Variants in MBNL2 observed in about 807,000 individuals in gnomAD.
MBNL2 encodes muscleblind-like protein 2.
In MBNL2, 17 loss-of-function variants were observed where a neutral mutation model predicts 41.9. That is an observed-to-expected ratio of 0.41 (90% confidence interval 0.28 to 0.61). The LOEUF (loss-of-function observed/expected upper bound fraction) is 0.61. MBNL2 is among the 20% of genes least tolerant of loss of function. MBNL2 has a pLI of 0.35. For synonymous variants in MBNL2, 195 were observed against 182.9 expected (o/e 1.07, Z -0.53); for missense variants, 336 against 505.6 (o/e 0.66, Z 3.22).
chr13:97,178,159 A>G, the MBNL2 span, among the ~76,000 whole-genome samples: 1 of 152,344 alleles, frequency 6.6e-6, no homozygotes, highest in South Asian at 2.1e-4. Flanking sequence ...TGCGAGGAAC[A>G]TAGCACTTTG....
chr13:97,241,396 A>T (rs1054518190), intron 1 of MBNL2, among the ~76,000 whole-genome samples: 5 of 152,238 alleles, frequency 3.3e-5, no homozygotes, highest in Admixed American at 2.0e-4. Flanking sequence ...CGTGAAAAAA[A>T]TTCAAAACAG....
At chr13:97,379,063 T>C (rs59553150) in intron 8 of MBNL2, among the ~76,000 whole-genome samples, 1 of 152,234 alleles carries the variant, frequency 6.6e-6, no homozygotes, top group Non-Finnish European at 1.5e-5. Context: ...CTATGGTCAG[T>C]GTAGGCTTGG....
chr13:97,344,663 GCCTAC>G (rs1269321265), intron 4 of MBNL2, among the ~76,000 whole-genome samples: 10 of 152,190 alleles, frequency 6.6e-5, no homozygotes, highest in Non-Finnish European at 4.4e-5. Flanking sequence ...AAAAGATCCA[GCCTAC>G]CCTTGTCAAT....
the MBNL2 span, among the ~76,000 whole-genome samples, chr13:97,180,397 G>A: frequency 1.3e-5 from 2 of 152,080 alleles, no homozygotes; most frequent in Non-Finnish European, 1.5e-5. Context: ...TTGAATAGAA[G>A]AATGGGCTGA....
rs759580663 is a variant in MBNL2, at chr13:97,343,054, G to C, written c.378G>C (p.Thr126=). 1.9e-6 allele frequency: 3 copies of C among 1,613,966 alleles called. No individual in the cohort carries two copies. The highest frequency in any genetic ancestry group is 2.5e-6 in the Non-Finnish European group (3 of 1,179,898). Reference sequence around the variant, plus strand: ...TAGGTCCCGCGATAGGGACAAATACGGCTATTAGCTTTGCTCCTTACCTAG... The same window carrying C: ...TAGGTCCCGCGATAGGGACAAATACCGCTATTAGCTTTGCTCCTTACCTAG... ...FPVGPAIGTN[T]AISFAPYLAP... Residue 126 remains threonine (T), a synonymous_variant, in exon 4 of 9, where the codon ACG becomes ACC. Transcript: ENST00000679496.
In MBNL2 at chr13:97,276,015, G is replaced by A; in HGVS notation, c.-221G>A. 2 of 449,298 alleles carry A rather than the reference G, an allele frequency of 4.5e-6. No individual in the cohort carries two copies. Among genetic ancestry groups the A allele is most frequent in the Non-Finnish European group, 7.9e-6 (2 of 252,936 alleles). 27.8% of individuals were successfully genotyped at this position (449,298 alleles called of 1,614,324 possible). ...AGATGACACTGAGCATGCTTTTATT[G>A]CGGCCTACCATCTTTAAGTGGGACA... On this transcript the variant is annotated 5_prime_UTR_variant, in exon 2 of 9. Transcript: ENST00000679496.
At chr13:97,167,862 C>T in the MBNL2 span, among the ~76,000 whole-genome samples, 3 of 152,150 alleles carry the variant, frequency 2.0e-5, no homozygotes, top group African/African-American at 4.8e-5. Context: ...TTATTTGTCC[C>T]TTAACCTATA....
At chr13:97,325,361 A>C (rs2059824230) in intron 2 of MBNL2, among the ~76,000 whole-genome samples, 1 of 152,220 alleles carries the variant, frequency 6.6e-6, no homozygotes, top group Non-Finnish European at 1.5e-5. Flanking sequence ...CATCAAGCCA[A>C]CAAACAGCTC....
chr13:97,363,587 G>T (rs1005972691), intron 7 of MBNL2, among the ~76,000 whole-genome samples: 2 of 152,076 alleles, frequency 1.3e-5, no homozygotes, highest in African/African-American at 4.8e-5. Flanking sequence ...AGCAATATGG[G>T]ATTTTTCTGT....
chr13:97,269,162 T>A (rs1388293677), intron 1 of MBNL2, among the ~76,000 whole-genome samples: 1 of 152,084 alleles, frequency 6.6e-6, no homozygotes, highest in African/African-American at 2.4e-5. Context: ...AAGGAGCTAA[T>A]TAGGGTAGGA....
chr13:97,149,836 A>G, the MBNL2 span, among the ~76,000 whole-genome samples: 35 of 152,310 alleles, frequency 2.3e-4, no homozygotes, highest in Middle Eastern at 6.8e-3. Context: ...CATATTTGAA[A>G]GTTATTTCCT....
chr13:97,352,728 A>C (rs1345287645), intron 5 of MBNL2, among the ~76,000 whole-genome samples: 2 of 152,272 alleles, frequency 1.3e-5, no homozygotes, highest in Non-Finnish European at 2.9e-5. Context: ...CAATTTTAAA[A>C]AACTGAAGTA....
At chr13:97,266,615 A>C (rs2152899418) in intron 1 of MBNL2, among the ~76,000 whole-genome samples, 1 of 152,372 alleles carries the variant, frequency 6.6e-6, no homozygotes, top group African/African-American at 2.4e-5. Context: ...CAAGTCATCG[A>C]TCAACAGAGA....
the MBNL2 span, among the ~76,000 whole-genome samples, chr13:97,214,671 C>T: frequency 6.6e-6 from 1 of 152,198 alleles, no homozygotes; most frequent in Non-Finnish European, 1.5e-5. Flanking sequence ...TCACCTGCAG[C>T]TTAGAGACCC....
At chr13:97,186,678 TG>T in the MBNL2 span, among the ~76,000 whole-genome samples, 6 of 152,356 alleles carry the variant, frequency 3.9e-5, no homozygotes, top group African/African-American at 1.4e-4. Context: ...TCTCCAACTA[TG>T]GATACTTTCA....
At chr13:97,387,702 C>G (rs2066041786) in intron 8 of MBNL2, among the ~76,000 whole-genome samples, 1 of 152,206 alleles carries the variant, frequency 6.6e-6, no homozygotes, top group East Asian at 1.9e-4. Flanking sequence ...CTGGTTTGTG[C>G]AAGCACTTTG....
chr13:97,390,021 C>A (rs1227108897), intron 8 of MBNL2, among the ~76,000 whole-genome samples: 1 of 151,882 alleles, frequency 6.6e-6, no homozygotes, highest in Non-Finnish European at 1.5e-5. Context: ...TTATTCATGT[C>A]TGTTAGTACA....
At position 97,391,363 on chromosome 13, in the gene MBNL2, G is replaced by T; in HGVS notation, c.1090G>T (p.Glu364Ter). 6.3e-7 allele frequency: 1 copy of T among 1,583,764 alleles called. No individual in the cohort carries two copies. The highest frequency in any genetic ancestry group is 8.7e-7 in the Non-Finnish European group (1 of 1,152,936). ...CAGCAGAAACGGAATGGAATGCCAAGAATCTGCATTGAGAATAACTAAACA... is the reference window on the plus strand; with the variant it reads ...CAGCAGAAACGGAATGGAATGCCAATAATCTGCATTGAGAATAACTAAACA... The part of the protein sequence containing the change: ...IISRNGMECQ[E>*]SALRITKHCY... Residue 364 changes from glutamate to a stop codon, truncating the protein, a stop_gained, in exon 9 of 9, where the codon GAA becomes TAA. Coordinates refer to ENST00000679496, the MANE Select transcript of MBNL2 (RefSeq NM_001382683.1). LOFTEE classifies it high-confidence loss of function.
chr13:97,145,134 G>A, the MBNL2 span, among the ~76,000 whole-genome samples: 1 of 152,134 alleles, frequency 6.6e-6, no homozygotes, highest in Non-Finnish European at 1.5e-5. Context: ...TTGAGAAAAT[G>A]GCTGCTTCAT....
Sources: allele counts gnomAD v4.1 joint callset (sites outside exome capture counted in the v4.1 genomes callset), GRCh38; gene constraint gnomAD v4.1.1; transcripts MANE v1.5; gene names NCBI Gene and HGNC (gene_info 2026-07-23, HGNC 2026-07-21).